Variants in PRUNE2 observed in about 807,000 individuals in gnomAD.
The protein encoded by PRUNE2 is protein prune homolog 2.
Under a neutral mutation model 252.0 loss-of-function variants are expected in PRUNE2, and 164 were observed. The ratio of observed to expected loss-of-function variants is 0.65; its 90% CI spans 0.57 to 0.74. PRUNE2 has a LOEUF of 0.74. Ranked by LOEUF, PRUNE2 falls within the 30% of genes least tolerant of loss-of-function variation. The pLI, the probability that PRUNE2 is intolerant of heterozygous loss-of-function variation, is 0.00. For missense variants in PRUNE2, 3,495 were observed against 3,711.0 expected (o/e 0.94, Z 1.51); for synonymous variants, 1,292 against 1,350.2 (o/e 0.96, Z 0.94).
intron 1 of PRUNE2, among the ~76,000 whole-genome samples, chr9:76,884,195 G>A (rs1436839698): frequency 6.6e-6 from 1 of 152,082 alleles, no homozygotes; most frequent in Non-Finnish European, 1.5e-5. Context: ...CTAAGGAAGT[G>A]GTGATTAACT....
intron 6 of PRUNE2, among the ~76,000 whole-genome samples, chr9:76,771,303 C>A (rs547939441): frequency 2.6e-5 from 4 of 152,272 alleles, no homozygotes; most frequent in Non-Finnish European, 5.9e-5. Context: ...TTAGGCATTT[C>A]TTTAATGCTG....
At chr9:76,830,483 C>T (rs1379949192) in intron 4 of PRUNE2, among the ~76,000 whole-genome samples, 1 of 151,860 alleles carries the variant, frequency 6.6e-6, no homozygotes, top group Non-Finnish European at 1.5e-5. Context: ...GAAACTCCAT[C>T]TCTACTAAAA....
At chr9:76,856,535 T>C (rs757294551) in intron 1 of PRUNE2, 1 of 152,214 alleles carries the variant, frequency 6.6e-6, no homozygotes, top group Non-Finnish European at 1.5e-5. Flanking sequence ...AAATGAAGAC[T>C]GCAACCCCAA....
At chr9:76,863,659 T>C (rs1161440439) in intron 1 of PRUNE2, among the ~76,000 whole-genome samples, 1 of 152,256 alleles carries the variant, frequency 6.6e-6, no homozygotes. Context: ...CAGCACACTC[T>C]GTACAATATT....
chr9:76,870,205 T>C (rs1339136602), intron 1 of PRUNE2, among the ~76,000 whole-genome samples: 2 of 151,360 alleles, frequency 1.3e-5, no homozygotes, highest in Admixed American at 6.6e-5. Context: ...TCTTTTGCCA[T>C]AATAAATAGC....
chr9:76,692,215 A>AATAAGGATGATC (rs2044832903), intron 9 of PRUNE2: 1 of 713,626 alleles, frequency 1.4e-6, no homozygotes, highest in Non-Finnish European at 2.6e-6. Context: ...GGCACATCTA[A>AATAAGGATGATC]ATAAGGATGA....
intron 8 of PRUNE2, among the ~76,000 whole-genome samples, chr9:76,704,359 G>A (rs2046147511): frequency 6.6e-6 from 1 of 151,940 alleles, no homozygotes; most frequent in Non-Finnish European, 1.5e-5. Context: ...CGAGTAGCTG[G>A]GACTACAGGC....
rs774090724 is a variant in PRUNE2 at position 76,703,986 on chromosome 9, G to A, written c.7627C>T (p.Arg2543Cys). The change falls in exon 9 of 19, where the codon CGT becomes TGT. Residue 2543 changes from arginine (R) to cysteine (C), a missense_variant. Physicochemically the swap from Arg to Cys is radical, Grantham distance 180. Coordinates refer to ENST00000376718, the MANE Select transcript of PRUNE2 (RefSeq NM_015225.3). The stretch of plus-strand genomic sequence containing the variant: ...ATGTAATCCATGTGTAGTGCATGAC[G>A]ATCTTCATTCTTCTCTGTACATCTT... ...EERCTEKNEDRHALHMDYILV... is the reference protein window; with the variant it reads ...EERCTEKNEDCHALHMDYILV... 6.8e-6 allele frequency: 11 copies of A among 1,613,710 alleles called. No individual in the cohort carries two copies. Among genetic ancestry groups the A allele is most frequent in the African/African-American group, 4.0e-5 (3 of 75,012 alleles).
Position 76,710,404 on chromosome 9 carries a change from C to T in PRUNE2, c.1870G>A (p.Glu624Lys), listed in dbSNP as rs1192419309. Residue 624 changes from glutamate (E) to lysine (K), a missense_variant, in exon 8 of 19, where the codon GAA becomes AAA. Coordinates refer to ENST00000376718, the MANE Select transcript of PRUNE2 (RefSeq NM_015225.3). ...TCTGTATAGAGTGAGGCTGGTTCTT[C>T]AGTGGATGGCGAGCTTTCTACTAAA... ...NSLVESSPST[E>K]EPASLYTEDM... The T allele has an allele frequency of 1.2e-6, 2 of 1,613,968 alleles. No individual in the cohort carries two copies. Among genetic ancestry groups the T allele is most frequent in the Non-Finnish European group, 1.7e-6 (2 of 1,179,860 alleles).
chr9:76,707,987 G>A lies in PRUNE2; in HGVS notation c.4287C>T (p.Thr1429=), dbSNP rs1240609350. The A allele has an allele frequency of 6.2e-7, 1 of 1,613,760 alleles. No individual in the cohort carries two copies. Among genetic ancestry groups the A allele is most frequent in the South Asian group, 1.1e-5 (1 of 91,064 alleles). Residue 1429 remains threonine, a synonymous_variant, in exon 8 of 19, where the codon ACC becomes ACT. Coordinates refer to ENST00000376718, the MANE Select transcript of PRUNE2 (RefSeq NM_015225.3). ...MSADNLQPKD[T]HEKHLMSQRN... Reference sequence around the variant, plus strand: ...TTTGACTCATGAGGTGTTTTTCATGGGTATCTTTTGGCTGCAGGTTATCTG... The same window carrying A: ...TTTGACTCATGAGGTGTTTTTCATGAGTATCTTTTGGCTGCAGGTTATCTG...
intron 4 of PRUNE2, among the ~76,000 whole-genome samples, chr9:76,837,962 G>C (rs958221587): frequency 6.6e-6 from 1 of 151,572 alleles, no homozygotes; most frequent in Non-Finnish European, 1.5e-5. Flanking sequence ...TAGTAGAGAC[G>C]GGGTTTCACC....
intron 6 of PRUNE2, among the ~76,000 whole-genome samples, chr9:76,718,141 G>A (rs532942885): frequency 1.3e-5 from 2 of 152,266 alleles, no homozygotes; most frequent in South Asian, 2.1e-4. Flanking sequence ...TCCATTCACA[G>A]CTGAAAGTGC....
At chr9:76,735,936 T>C (rs1209054823) in intron 6 of PRUNE2, among the ~76,000 whole-genome samples, 1 of 152,238 alleles carries the variant, frequency 6.6e-6, no homozygotes, top group Non-Finnish European at 1.5e-5. Flanking sequence ...CTAGTACATT[T>C]ACATGCGTCA....
intron 6 of PRUNE2, among the ~76,000 whole-genome samples, chr9:76,753,320 G>T (rs2050792159): frequency 6.6e-6 from 1 of 152,134 alleles, no homozygotes; most frequent in African/African-American, 2.4e-5. Context: ...GAGCCACTGT[G>T]CCCTCCAAAA....
Position 76,709,728 on chromosome 9 carries a change from A to G in PRUNE2, c.2546T>C (p.Leu849Pro). 1.2e-6 allele frequency: 2 copies of G among 1,614,026 alleles called. No homozygotes were observed. Among genetic ancestry groups the G allele is most frequent in the Non-Finnish European group, 1.7e-6 (2 of 1,179,896 alleles). Reference sequence around the variant, plus strand: ...GTTTATCTCACTGGGTGAATTGTCCAGTAGTTCTGAAGAAGAAAAGGCAAA... The same window carrying G: ...GTTTATCTCACTGGGTGAATTGTCCGGTAGTTCTGAAGAAGAAAAGGCAAA... ...SGFAFSSSELLDNSPSEINNE... is the reference protein window; with the variant it reads ...SGFAFSSSELPDNSPSEINNE... The change falls in exon 8 of 19, where the codon CTG becomes CCG. Residue 849 changes from leucine to proline, a missense_variant. Coordinates refer to ENST00000376718, the MANE Select transcript of PRUNE2 (RefSeq NM_015225.3).
chr9:76,765,901 G>T (rs1205302204), intron 6 of PRUNE2, among the ~76,000 whole-genome samples: 1 of 152,150 alleles, frequency 6.6e-6, no homozygotes, highest in Non-Finnish European at 1.5e-5. Context: ...TCTCGTTAGA[G>T]GCCAGACGCG....
chr9:76,753,233 T>C (rs2050786887), intron 6 of PRUNE2, among the ~76,000 whole-genome samples: 1 of 152,132 alleles, frequency 6.6e-6, no homozygotes, highest in African/African-American at 2.4e-5. Context: ...TCTCATTATG[T>C]TGCCCAGGTT....
At chr9:76,692,163 G>A in intron 9 of PRUNE2, 2 of 717,332 alleles carry the variant, frequency 2.8e-6, no homozygotes, top group African/African-American at 1.7e-5. Context: ...GCAGTTAACT[G>A]GAAATACAGA....
intron 6 of PRUNE2, among the ~76,000 whole-genome samples, chr9:76,788,122 A>G (rs903549453): frequency 6.6e-6 from 1 of 152,204 alleles, no homozygotes; most frequent in African/African-American, 2.4e-5. Context: ...ATTTGTCAAT[A>G]GACTATGAGA....
Sources: gnomAD v4.1 joint callset for allele counts (sites outside exome capture counted in the v4.1 genomes callset) on GRCh38, gnomAD v4.1.1 for gene constraint, MANE v1.5 for transcripts, NCBI Gene and HGNC (gene_info 2026-07-23, HGNC 2026-07-21) for gene names.